The following NDUFS7 variants were observed in gnomAD, a reference collection of about 807,000 sequenced individuals.
NDUFS7 encodes NADH:ubiquinone oxidoreductase core subunit S7, also known as NADH dehydrogenase [ubiquinone] iron-sulfur protein 7, mitochondrial.
Under a neutral mutation model 31.1 loss-of-function variants are expected in NDUFS7, and 11 were observed. The ratio of observed to expected loss-of-function variants is 0.35; its 90% CI spans 0.22 to 0.59. The LOEUF (loss-of-function observed/expected upper bound fraction) is 0.59, where lower values mean the gene tolerates loss of function less well. Among genes scored for constraint, NDUFS7 ranks in the 20% least tolerant of loss-of-function variants. The pLI, the probability that NDUFS7 is intolerant of heterozygous loss-of-function variation, is 0.79. For missense variants in NDUFS7, 263 were observed against 324.2 expected (o/e 0.81, Z 1.45); for synonymous variants, 136 against 127.9 (o/e 1.06, Z -0.43).
Position 1,387,812 on chromosome 19 carries a change from T to C in NDUFS7, c.18T>C (p.Ala6=). ...CCCACCCCGTGGTCCTCTCTGCAGC[T>C]CCTGGCCTGCGCGGCTTCCGGATCC... MAVLS[A]PGLRGFRILG... Residue 6 remains alanine, a splice_region_variant and synonymous_variant, in exon 2 of 8, where the codon GCT becomes GCC. Coordinates refer to ENST00000233627, the MANE Select transcript of NDUFS7 (RefSeq NM_024407.5). 1 of 1,611,156 alleles carries C rather than the reference T, an allele frequency of 6.2e-7. No individual in the cohort carries two copies. The highest frequency in any genetic ancestry group is 8.5e-7 in the Non-Finnish European group (1 of 1,179,596).
chr19:1,391,008 G>A lies in NDUFS7; in HGVS notation c.366G>A (p.Val122=). Residue 122 remains valine, a synonymous_variant, in exon 5 of 8, where the codon GTG becomes GTA. Coordinates refer to ENST00000233627, the MANE Select transcript of NDUFS7 (RefSeq NM_024407.5). The part of the protein sequence containing the change: ...ASPRQSDVMI[V]AGTLTNKMAP... The stretch of plus-strand genomic sequence containing the variant: ...CGCGCCAGTCCGACGTCATGATCGT[G>A]GCCGGCACACTCACCAACAAGATGG... The A allele has an allele frequency of 6.2e-7, 1 of 1,613,180 alleles. No individual in the cohort carries two copies. Among genetic ancestry groups the A allele is most frequent in the Non-Finnish European group, 8.5e-7 (1 of 1,179,868 alleles).
Position 1,384,277 on chromosome 19 carries a change from G to A in NDUFS7, c.16+335G>A, listed in dbSNP as rs1306461492. The A allele has an allele frequency of 7.4e-6, 3 of 403,100 alleles. No individual in the cohort carries two copies. The East Asian group carries it at 1.4e-4, about 19-fold the overall frequency. The allele number at this position is 403,100 out of a possible 1,614,324, so 25.0% of individuals were successfully genotyped here. A position where few individuals can be genotyped will look rare whatever the true frequency, so the allele number is the denominator to read the frequency against. On this transcript the variant is annotated intron_variant, in intron 1 of 7. Coordinates refer to ENST00000233627, the MANE Select transcript of NDUFS7 (RefSeq NM_024407.5). ...GAGGCTGCTCTTGAGATGCCCTGGA[G>A]AGAGCGGGGCCTGCCTGACAGGCTG...
At chr19:1,388,794 G>A (rs771605832) in intron 3 of NDUFS7, 39 bp from the exon 4 acceptor site, 12 of 1,555,504 alleles carry the variant, frequency 7.7e-6, no homozygotes, top group African/African-American at 4.1e-5. Context: ...AAGCACCTGC[G>A]TGGCTGACGC....
At chr19:1,385,917 T>TGGG (rs1165898208) in intron 1 of NDUFS7, among the ~76,000 whole-genome samples, 1 of 152,168 alleles carries the variant, frequency 6.6e-6, no homozygotes, top group Non-Finnish European at 1.5e-5. Context: ...TAGGAGCTCA[T>TGGG]CCAAAGTCCT....
Position 1,395,508 on chromosome 19 carries a change from G to T in NDUFS7, c.*20G>T. ...AGGTAGCGCCGCCGCCGCCGCCGCC[G>T]GAGCCTGTCGCCGTCCTGTCCCCAG... On this transcript the variant is annotated 3_prime_UTR_variant, in exon 8 of 8. Coordinates refer to ENST00000233627, the MANE Select transcript of NDUFS7 (RefSeq NM_024407.5). 6.4e-7 allele frequency: 1 copy of T among 1,559,870 alleles called. No individual in the cohort carries two copies. The highest frequency in any genetic ancestry group is 8.7e-7 in the Non-Finnish European group (1 of 1,152,906).
intron 6 of NDUFS7, 140 bp downstream of exon 6, chr19:1,391,305 G>C (rs1216361225): frequency 2.7e-6 from 3 of 1,098,916 alleles, no homozygotes; most frequent in African/African-American, 1.6e-5. Context: ...CAGCCGTCTC[G>C]GTGCCTCCAC....
At chr19:1,394,532 G>A (rs1289062393) in intron 7 of NDUFS7, 29 of 1,238,444 alleles carry the variant, frequency 2.3e-5, no homozygotes, top group Non-Finnish European at 2.9e-5. Flanking sequence ...CCCTCCCTGC[G>A]GACCGCGCTC....
chr19:1,395,421 A>G lies in NDUFS7; in HGVS notation c.575A>G (p.Tyr192Cys), dbSNP rs771099446. 5.6e-6 allele frequency: 9 copies of G among 1,602,708 alleles called. 1 individual carries two copies. In the South Asian group the frequency reaches 9.0e-5, roughly 16 times the overall value. The part of the protein sequence containing the change: ...GCPPTAEALL[Y>C]GILQLQRKIK... ...CCACCTACGGCCGAGGCCCTGCTCT[A>G]CGGCATCCTGCAGCTGCAGAGGAAG... The change falls in exon 8 of 8, where the codon TAC (tyrosine) becomes TGC (cysteine). Residue 192 changes from tyrosine (Y) to cysteine (C), a missense_variant. Coordinates refer to ENST00000233627, the MANE Select transcript of NDUFS7 (RefSeq NM_024407.5).
intron 7 of NDUFS7, chr19:1,394,339 A>G (rs2082577669): frequency 2.3e-6 from 3 of 1,283,294 alleles, no homozygotes; most frequent in Non-Finnish European, 3.1e-6. Context: ...AGCTCTGCCC[A>G]TGCCCCTGGC....
At chr19:1,394,160 GC>G (rs2082576336) in intron 7 of NDUFS7, 2 of 355,366 alleles carry the variant, frequency 5.6e-6, no homozygotes, top group Admixed American at 7.6e-5. Flanking sequence ...ACATCCTGGT[GC>G]CTCTCAAAAG....
intron 4 of NDUFS7, chr19:1,389,518 C>A (rs11666067): frequency 0.57 from 259,180 of 456,806 alleles, 75,687 homozygotes; most frequent in Non-Finnish European, 0.63. Flanking sequence ...TGGAGATGAC[C>A]CCTCCGTTTC....
At chr19:1,385,980 C>T (rs1488340100) in intron 1 of NDUFS7, among the ~76,000 whole-genome samples, 7 of 152,206 alleles carry the variant, frequency 4.6e-5, no homozygotes, top group Admixed American at 2.6e-4. Context: ...CCCACCAGAG[C>T]CTGGGGCTGG....
chr19:1,394,283 C>A, intron 7 of NDUFS7: 2 of 1,119,906 alleles, frequency 1.8e-6, no homozygotes, highest in Admixed American at 2.3e-5. Context: ...GCAGCCTGGG[C>A]CTCCCTGTGA....
At chr19:1,395,264 A>G (rs2082588631) in intron 7 of NDUFS7, 127 bp from the exon 8 acceptor site, 1 of 1,475,942 alleles carries the variant, frequency 6.8e-7, no homozygotes, top group Non-Finnish European at 9.0e-7. Flanking sequence ...GCGCCCACCC[A>G]GGGCTGTCAG....
chr19:1,391,316 C>A, intron 6 of NDUFS7, 151 bp downstream of exon 6: 1 of 997,628 alleles, frequency 1.0e-6, no homozygotes, highest in Non-Finnish European at 1.5e-6. Context: ...GTGCCTCCAC[C>A]CTAGGCAGAT....
At chr19:1,392,846 C>T (rs979370587) in intron 6 of NDUFS7, 2 of 318,068 alleles carry the variant, frequency 6.3e-6, no homozygotes, top group Non-Finnish European at 6.1e-6. Flanking sequence ...CGGGTGGACC[C>T]CAGCGCCTCA....
chr19:1,389,321 G>GCA (rs752000194), intron 4 of NDUFS7: 3 of 461,478 alleles, frequency 6.5e-6, no homozygotes, highest in South Asian at 4.8e-5. Context: ...GCACACACAT[G>GCA]CACACTCACA....
At chr19:1,389,871 T>A (rs1600149145) in intron 4 of NDUFS7, 1 of 256,552 alleles carries the variant, frequency 3.9e-6, no homozygotes, top group East Asian at 1.1e-4. Flanking sequence ...GGATAGTTTT[T>A]AATGCAGGAT....
intron 4 of NDUFS7, chr19:1,389,249 A>G (rs1461846334): frequency 7.8e-6 from 5 of 643,562 alleles, no homozygotes; most frequent in Non-Finnish European, 1.4e-5. Flanking sequence ...ATGCACACTC[A>G]TGCGCACATA....
Sources: gnomAD v4.1 joint callset for allele counts (sites outside exome capture counted in the v4.1 genomes callset) on GRCh38, gnomAD v4.1.1 for gene constraint, MANE v1.5 for transcripts, NCBI Gene and HGNC (gene_info 2026-07-23, HGNC 2026-07-21) for gene names.